Variants in RARB observed in about 807,000 individuals in gnomAD.
RARB encodes HBV-activated protein.
RARB carries 17 observed loss-of-function variants against 51.9 expected under a neutral mutation model. The observed-to-expected ratio is 0.33, with a 90% CI of 0.22 to 0.49. The LOEUF (loss-of-function observed/expected upper bound fraction) is 0.49. Among genes scored for constraint, RARB ranks in the 20% least tolerant of loss-of-function variants. The probability of loss-of-function intolerance (pLI) is 0.99; values close to 1 mark genes in which losing one functional copy is unlikely to be tolerated. For missense variants in RARB, 369 were observed against 550.8 expected (o/e 0.67, Z 3.30); for synonymous variants, 215 against 195.4 (o/e 1.10, Z -0.84).
At chr3:25,274,779 G>A (rs1039796031) in intron 5 of RARB, among the ~76,000 whole-genome samples, 2 of 151,978 alleles carry the variant, frequency 1.3e-5, no homozygotes, top group African/African-American at 2.4e-5. Flanking sequence ...TCATTATAGC[G>A]GCAAAAATAC....
intron 5 of RARB, among the ~76,000 whole-genome samples, chr3:25,395,355 A>T (rs1707086634): frequency 6.6e-6 from 1 of 152,194 alleles, no homozygotes; most frequent in Non-Finnish European, 1.5e-5. Flanking sequence ...TTGAAGTTAG[A>T]TAACTTGATG....
intron 5 of RARB, among the ~76,000 whole-genome samples, chr3:25,360,050 G>C (rs1160438740): frequency 6.6e-6 from 1 of 152,192 alleles, no homozygotes; most frequent in Non-Finnish European, 1.5e-5. Context: ...CTGTGTCATT[G>C]ATCTGTCTAA....
rs550684869 is a variant in RARB, at chr3:25,294,389, G to C, written c.178+119814G>C. Among the ~76,000 whole-genome samples, 91 of 152,280 alleles carry C rather than the reference G, an allele frequency of 6.0e-4. No homozygotes were observed. In the South Asian group the frequency reaches 8.3e-3, roughly 14 times the overall value. Reference sequence around the variant, plus strand: ...GTGAATTCATTCTCTCTACCAGTCAGCATCCAATAAGGAAAAATAAATGCC... The same window carrying C: ...GTGAATTCATTCTCTCTACCAGTCACCATCCAATAAGGAAAAATAAATGCC... On this transcript the variant is annotated intron_variant, in intron 5 of 11. Transcript: ENST00000383772.
chr3:25,478,376 T>G lies in RARB; in HGVS notation c.306+17035T>G, dbSNP rs370218074. Reference sequence around the variant, plus strand: ...TTTGAATCACAGGCTCTTTCTTCAGTTAGATGCCAGATGAAGCAGGTGGCT... The same window carrying G: ...TTTGAATCACAGGCTCTTTCTTCAGGTAGATGCCAGATGAAGCAGGTGGCT... On this transcript the variant is annotated intron_variant, in intron 2 of 7. Coordinates refer to ENST00000330688, the MANE Select transcript of RARB (RefSeq NM_000965.5). Among the ~76,000 whole-genome samples, 9 of 152,324 alleles carry G rather than the reference T, an allele frequency of 5.9e-5. 1 individual carries two copies. The highest frequency in any genetic ancestry group is 2.2e-4 in the African/African-American group (9 of 41,568).
Position 25,369,531 on chromosome 3 carries a change from C to CT in RARB, c.179-91662_179-91661insT, listed in dbSNP as rs534077870. Among the ~76,000 whole-genome samples, 448 of 152,278 alleles carry CT rather than the reference C, an allele frequency of 2.9e-3. 3 individuals are homozygous for CT. Among genetic ancestry groups the CT allele is most frequent in the African/African-American group, 0.01 (433 of 41,556 alleles). On this transcript the variant is annotated intron_variant, in intron 5 of 11. Coordinates refer to the RARB transcript ENST00000383772. ...GCAAAGAAATATTTGGCAGTATTTG[C>CT]CAAAATTTAAAATGAATACCTATTC...
intron 5 of RARB, among the ~76,000 whole-genome samples, chr3:25,358,891 T>C (rs763932903): frequency 1.3e-5 from 2 of 152,166 alleles, no homozygotes; most frequent in Admixed American, 6.5e-5. Context: ...CAGTATTTTA[T>C]TGAGGATTTT....
intron 2 of RARB, among the ~76,000 whole-genome samples, chr3:24,970,574 AACACACACACACACAC>A (rs60292267): frequency 0.021 from 3,087 of 148,872 alleles, 47 homozygotes; most frequent in Non-Finnish European, 0.034. Flanking sequence ...AAGTCATGTA[AACACACACACACACAC>A]ACACACACAC....
chr3:25,246,355 T>C (rs568023482), intron 5 of RARB, among the ~76,000 whole-genome samples: 3 of 152,272 alleles, frequency 2.0e-5, no homozygotes, highest in Admixed American at 2.0e-4. Context: ...TCCAGTTTTA[T>C]TCCCTTGCTG....
chr3:25,065,652 G>A (rs371400411), intron 3 of RARB, among the ~76,000 whole-genome samples: 171 of 152,316 alleles, frequency 1.1e-3, no homozygotes, highest in Non-Finnish European at 1.9e-3. Context: ...CACAGTGAGC[G>A]GAGACTAAAA....
chr3:25,168,413 A>C (rs1700593206), intron 4 of RARB, among the ~76,000 whole-genome samples: 2 of 152,038 alleles, frequency 1.3e-5, no homozygotes, highest in Non-Finnish European at 2.9e-5. Context: ...TTTAGTAGAG[A>C]CAGGGTTTCA....
intron 5 of RARB, among the ~76,000 whole-genome samples, chr3:25,240,587 A>C (rs1203665955): frequency 6.6e-6 from 1 of 152,130 alleles, no homozygotes; most frequent in Non-Finnish European, 1.5e-5. Context: ...TTATTGAGTG[A>C]TCATACAGTT....
At chr3:25,235,905 A>T (rs532369148) in intron 5 of RARB, among the ~76,000 whole-genome samples, 2 of 152,306 alleles carry the variant, frequency 1.3e-5, no homozygotes, top group Non-Finnish European at 2.9e-5. Flanking sequence ...AATACTAGAG[A>T]TGTTAATCAA....
intron 4 of RARB, among the ~76,000 whole-genome samples, chr3:25,572,003 TA>T (rs1214502272): frequency 6.6e-6 from 1 of 152,238 alleles, no homozygotes; most frequent in Non-Finnish European, 1.5e-5. Flanking sequence ...TTATTTCTTT[TA>T]GAAATACTTA....
At position 25,596,739 on chromosome 3, in the gene RARB, A is replaced by C. The variant is rs1701851820; in HGVS notation, c.*123A>C. 1.1e-6 allele frequency: 1 copy of C among 880,546 alleles called. No individual in the cohort carries two copies. The highest frequency in any genetic ancestry group is 1.7e-6 in the Non-Finnish European group (1 of 592,738). The allele number at this position is 880,546 out of a possible 1,614,324, so 54.5% of individuals were successfully genotyped here. A position where few individuals can be genotyped will look rare whatever the true frequency, so the allele number is the denominator to read the frequency against. On this transcript the variant is annotated 3_prime_UTR_variant, in exon 8 of 8. Transcript: ENST00000330688. ...GAAAAGATATTAAAACTCAAGAAGG[A>C]CCAAGAAGTTTTCATATGTATCAAT...
At chr3:24,889,682 G>GTGTGTC (rs561646651) in intron 2 of RARB, among the ~76,000 whole-genome samples, 3,541 of 133,044 alleles carry the variant, frequency 0.027, 80 homozygotes, top group Middle Eastern at 0.083. Flanking sequence ...TAAAGTGTGT[G>GTGTGTC]TGTGTGTGTG....
intron 2 of RARB, among the ~76,000 whole-genome samples, chr3:24,947,651 T>C (rs1293096763): frequency 6.6e-6 from 1 of 152,170 alleles, no homozygotes; most frequent in African/African-American, 2.4e-5. Flanking sequence ...AGATTCTCCA[T>C]CCACTCTGGT....
At chr3:24,990,149 A>C (rs1696880461) in intron 2 of RARB, among the ~76,000 whole-genome samples, 1 of 96,902 alleles carries the variant, frequency 1.0e-5, no homozygotes, top group Non-Finnish European at 2.0e-5. Context: ...TTATTTCACT[A>C]TTGTTTATTT....
At chr3:25,547,676 C>A (rs1699668989) in intron 3 of RARB, among the ~76,000 whole-genome samples, 1 of 152,110 alleles carries the variant, frequency 6.6e-6, no homozygotes, top group Non-Finnish European at 1.5e-5. Flanking sequence ...CCCAAGTTGG[C>A]AGTGTCTTGG....
chr3:24,971,076 C>A (rs2125417656), intron 2 of RARB, among the ~76,000 whole-genome samples: 1 of 151,996 alleles, frequency 6.6e-6, no homozygotes, highest in South Asian at 2.1e-4. Flanking sequence ...ACATGGATAT[C>A]ACTTTAAATA....
Sources: allele counts gnomAD v4.1 joint callset (sites outside exome capture counted in the v4.1 genomes callset), GRCh38; gene constraint gnomAD v4.1.1; transcripts MANE v1.5; gene names NCBI Gene and HGNC (gene_info 2026-07-23, HGNC 2026-07-21).